Variants in UBAP1L observed in about 807,000 individuals in gnomAD.
The protein encoded by UBAP1L is ubiquitin associated protein 1 like, also known as ubiquitin-associated protein 1-like.
Under a neutral mutation model 32.1 loss-of-function variants are expected in UBAP1L, and 32 were observed. That is an observed-to-expected ratio of 1.00 (90% CI 0.75 to 1.34). The LOEUF is 1.34. UBAP1L is among the 40% of genes most tolerant of loss of function. The probability of loss-of-function intolerance (pLI) is 0.00; values close to 1 mark genes in which losing one functional copy is unlikely to be tolerated. For missense variants in UBAP1L, 516 were observed against 540.5 expected (o/e 0.95, Z 0.45); for synonymous variants, 243 against 250.2 (o/e 0.97, Z 0.27).
At position 65,105,938 on chromosome 15, in the gene UBAP1L, G is replaced by A. The variant is rs1027072120; in HGVS notation, c.120+158C>T. 24 of 1,006,030 alleles carry A rather than the reference G, an allele frequency of 2.4e-5. No individual in the cohort carries two copies. The Admixed American group carries it at 3.1e-4, about 13-fold the overall frequency. The allele number at this position is 1,006,030 out of a possible 1,614,324, so 62.3% of individuals were successfully genotyped here. On this transcript the variant is annotated intron_variant, in intron 2 of 5. Coordinates refer to ENST00000559089, the MANE Select transcript of UBAP1L (RefSeq NM_001163692.2). ...TCCGAGTAGCTGGGATTACAGGCAC[G>A]CGTCACCACACCCAGCTAATTTTTT...
rs530345678 is a variant in UBAP1L, at chr15:65,110,974, G to C, written c.-174+4176C>G. ...TGGAGAGGTAGGGTGGATAATCTGA[G>C]TGCAGAGAGGTCAAATGAAGGCAGG... On this transcript the variant is annotated intron_variant, in intron 1 of 5. Coordinates refer to ENST00000559089, the MANE Select transcript of UBAP1L (RefSeq NM_001163692.2). 6.6e-5 allele frequency among the ~76,000 whole-genome samples: 10 copies of C among 152,302 alleles called. No individual in the cohort carries two copies. The South Asian group carries it at 2.1e-3, about 32-fold the overall frequency.
chr15:65,094,876 C>G lies in UBAP1L; in HGVS notation c.910-300G>C, dbSNP rs915026870. 6.8e-6 allele frequency: 3 copies of G among 444,096 alleles called. No homozygotes were observed. The highest frequency in any genetic ancestry group is 1.3e-5 in the Non-Finnish European group (3 of 238,932). 27.5% of individuals were successfully genotyped at this position (444,096 alleles called of 1,614,324 possible). A position where few individuals can be genotyped will look rare whatever the true frequency, so the allele number is the denominator to read the frequency against. On this transcript the variant is annotated intron_variant, in intron 4 of 5. Transcript: ENST00000559089. This position sits in a 1 kb window ranked among gnomAD's most constrained non-coding sequence, Gnocchi z 4.2. The stretch of plus-strand genomic sequence containing the variant: ...CATAGAACCTAGGTGGGGAGCAGGA[C>G]AGGCTTCAAACACAGACATCCCACC...
chr15:65,103,050 G>A lies in UBAP1L; in HGVS notation c.121-366C>T, dbSNP rs901554949. On this transcript the variant is annotated intron_variant, in intron 2 of 5. Coordinates refer to ENST00000559089, the MANE Select transcript of UBAP1L (RefSeq NM_001163692.2). Reference sequence around the variant, plus strand: ...ATTCTTAGCAAAGAAGCTTTCACCTGAGCCCAGCAGTTTGCCAATGAGTAG... The same window carrying A: ...ATTCTTAGCAAAGAAGCTTTCACCTAAGCCCAGCAGTTTGCCAATGAGTAG... Among the ~76,000 whole-genome samples the A allele has an allele frequency of 6.6e-5, 10 of 152,284 alleles. 1 individual carries two copies. The highest frequency in any genetic ancestry group is 3.4e-3 in the Middle Eastern group (1 of 294).
intron 1 of UBAP1L, among the ~76,000 whole-genome samples, chr15:65,106,671 C>T (rs2087315734): frequency 6.9e-6 from 1 of 144,938 alleles, no homozygotes; most frequent in Non-Finnish European, 1.5e-5. Flanking sequence ...GACGAAGTCT[C>T]GCTCTGTCAC....
At chr15:65,110,928 C>T (rs1277382816) in intron 1 of UBAP1L, among the ~76,000 whole-genome samples, 1 of 152,082 alleles carries the variant, frequency 6.6e-6, no homozygotes, top group South Asian at 2.1e-4. Context: ...ACAGTCATCC[C>T]CTTCCCATGA....
At position 65,099,536 on chromosome 15, in the gene UBAP1L, A is replaced by G; in HGVS notation, c.878T>C (p.Leu293Pro). 2.6e-6 allele frequency: 4 copies of G among 1,551,060 alleles called. No individual in the cohort carries two copies. The highest frequency in any genetic ancestry group is 3.5e-6 in the Non-Finnish European group (4 of 1,146,912). The change falls in exon 4 of 6, where the codon CTG (leucine) becomes CCG (proline). Residue 293 changes from leucine (L) to proline (P), a missense_variant. Transcript: ENST00000559089. ...CAGGCTCTGCCTCCCTGTCTTCTGC[A>G]GAGCTATGATGGCCCTTCGCAGGGG... Reference protein sequence around the residue: ...GYPLRRAIIALQKTGRQSLSQ... With the variant: ...GYPLRRAIIAPQKTGRQSLSQ...
chr15:65,094,390 G>T lies in UBAP1L; in HGVS notation c.1011+85C>A. On this transcript the variant is annotated intron_variant, in intron 5 of 5. Transcript: ENST00000559089. The surrounding 1 kb of genome is among the most constrained non-coding windows in gnomAD (Gnocchi z 4.2). Reference sequence around the variant, plus strand: ...GCTGGACCCACAGACTGGCTCTGAGGACTGGTGTGGCCCTGCACACCGGGC... The same window carrying T: ...GCTGGACCCACAGACTGGCTCTGAGTACTGGTGTGGCCCTGCACACCGGGC... 1.1e-6 allele frequency: 1 copy of T among 917,130 alleles called. No homozygotes were observed. Among genetic ancestry groups the T allele is most frequent in the South Asian group, 1.6e-5 (1 of 60,690 alleles). 56.8% of individuals were successfully genotyped at this position (917,130 alleles called of 1,614,324 possible).
chr15:65,110,046 T>G (rs755146615), intron 1 of UBAP1L, among the ~76,000 whole-genome samples: 1 of 152,230 alleles, frequency 6.6e-6, no homozygotes, highest in African/African-American at 2.4e-5. Context: ...ACATTAAATA[T>G]TGAGTCTGTT....
In UBAP1L at chr15:65,102,623, C is replaced by G; in HGVS notation, c.182G>C (p.Ser61Thr). Residue 61 changes from serine to threonine, a missense_variant, in exon 3 of 6, where the codon AGC (serine) becomes ACC (threonine). Physicochemically the swap from Ser to Thr is moderately conservative, Grantham distance 58. Transcript: ENST00000559089. This position sits in a 1 kb window ranked among gnomAD's most constrained non-coding sequence, Gnocchi z 5.0. Reference sequence around the variant, plus strand: ...CCCCGGGTCACCGCACTGGTACGGGCTGGGTCCCTGGCCGGCGGCCTCCAC... The same window carrying G: ...CCCCGGGTCACCGCACTGGTACGGGGTGGGTCCCTGGCCGGCGGCCTCCAC... ...FWVEAAGQGP[S>T]PYQCGDPGTA... is the part of the protein sequence containing the mutation. 2 of 1,549,544 alleles carry G rather than the reference C, an allele frequency of 1.3e-6. No individual in the cohort carries two copies. Among genetic ancestry groups the G allele is most frequent in the Non-Finnish European group, 1.7e-6 (2 of 1,146,810 alleles).
rs1317977666 is a variant in UBAP1L, at chr15:65,106,123, G to A, written c.93C>T (p.Ala31=). 6.4e-7 allele frequency: 1 copy of A among 1,551,056 alleles called. No homozygotes were observed. Among genetic ancestry groups the A allele is most frequent in the Non-Finnish European group, 8.7e-7 (1 of 1,146,822 alleles). The change falls in exon 2 of 6, where the codon GCC becomes GCT. Residue 31 remains alanine, a synonymous_variant. Transcript: ENST00000559089. ...PLPGPELSVP[A]CGEVLLGSMH... ...TAGAACCCAGCAGAACTTCCCCGCA[G>A]GCCGGGACGCTGAGTTCTGGCCCAG...
At chr15:65,097,659 G>A (rs935835195) in intron 4 of UBAP1L, 2 of 152,158 alleles carry the variant, frequency 1.3e-5, no homozygotes, top group African/African-American at 2.4e-5. Flanking sequence ...GCAAGAAAAT[G>A]TTCAATAAAT....
intron 4 of UBAP1L, chr15:65,098,743 T>C (rs546275511): frequency 3.9e-5 from 6 of 152,348 alleles, no homozygotes; most frequent in African/African-American, 1.4e-4. Flanking sequence ...TGTAGCCACA[T>C]GAGACTGCAG....
At chr15:65,111,943 A>G (rs2140572438) in intron 1 of UBAP1L, among the ~76,000 whole-genome samples, 1 of 152,290 alleles carries the variant, frequency 6.6e-6, no homozygotes, top group East Asian at 1.9e-4. Flanking sequence ...GGCGCCTGCC[A>G]CCACGCCTGG....
chr15:65,102,315 C>T lies in UBAP1L; in HGVS notation c.490G>A (p.Glu164Lys), dbSNP rs1215243920. ...ELAGARRRLSEGKLVSRPRAL... is the reference protein window; with the variant it reads ...ELAGARRRLSKGKLVSRPRAL... ...CGGGGCCGGGAGACCAGCTTCCCCT[C>T]GGAGAGCCGCCGCCGCGCCCCTGCC... Residue 164 changes from glutamate to lysine, a missense_variant, in exon 3 of 6, where the codon GAG becomes AAG. Coordinates refer to ENST00000559089, the MANE Select transcript of UBAP1L (RefSeq NM_001163692.2). The surrounding 1 kb of genome is among the most constrained non-coding windows in gnomAD (Gnocchi z 5.0). 3 of 1,438,122 alleles carry T rather than the reference C, an allele frequency of 2.1e-6. No individual in the cohort carries two copies. Among genetic ancestry groups the T allele is most frequent in the Non-Finnish European group, 2.7e-6 (3 of 1,103,082 alleles). The allele number at this position is 1,438,122 out of a possible 1,614,324, so 89.1% of individuals were successfully genotyped here. A position where few individuals can be genotyped will look rare whatever the true frequency, so the allele number is the denominator to read the frequency against.
chr15:65,099,667 T>C lies in UBAP1L; in HGVS notation c.747A>G (p.Gln249=). 1.3e-6 allele frequency: 2 copies of C among 1,551,114 alleles called. No individual in the cohort carries two copies. Among genetic ancestry groups the C allele is most frequent in the African/African-American group, 2.7e-5 (2 of 73,098 alleles). Residue 249 remains glutamine (Q), a synonymous_variant, in exon 4 of 6, where the codon CAA becomes CAG. Transcript: ENST00000559089. Reference sequence around the variant, plus strand: ...GGTGTGACTTGTGGGGGTTGAGAGGTTGGGGTGCCCCCCCAAGAGGTGGCA... The same window carrying C: ...GGTGTGACTTGTGGGGGTTGAGAGGCTGGGGTGCCCCCCCAAGAGGTGGCA... ...TCLPPLGGAP[Q]PLNPHKSHPD...
intron 4 of UBAP1L, chr15:65,096,859 G>A (rs955003393): frequency 6.6e-6 from 1 of 152,290 alleles, no homozygotes; most frequent in African/African-American, 2.4e-5. Flanking sequence ...TAGCTGCTCT[G>A]TCTCTATCAC....
intron 1 of UBAP1L, among the ~76,000 whole-genome samples, chr15:65,110,752 G>A (rs750565776): frequency 2.1e-4 from 32 of 151,206 alleles, no homozygotes; most frequent in Non-Finnish European, 4.1e-4. Flanking sequence ...TTAAGCTCAC[G>A]ACTGCCTATA....
At chr15:65,100,753 C>T (rs1484501453) in intron 3 of UBAP1L, 1 of 152,236 alleles carries the variant, frequency 6.6e-6, no homozygotes, top group Admixed American at 6.5e-5. Flanking sequence ...TCTCAGGGCT[C>T]TCCCTGCCAC....
chr15:65,108,652 G>A (rs1033943026), intron 1 of UBAP1L, among the ~76,000 whole-genome samples: 3 of 152,022 alleles, frequency 2.0e-5, no homozygotes, highest in African/African-American at 7.3e-5. Flanking sequence ...GGCTGAAGTA[G>A]GAGGATTGCT....
Sources: gnomAD v4.1 joint callset for allele counts (sites outside exome capture counted in the v4.1 genomes callset) on GRCh38, gnomAD v4.1.1 for gene constraint, Gnocchi (gnomAD v3.1) non-coding constraint, MANE v1.5 for transcripts, NCBI Gene and HGNC (gene_info 2026-07-23, HGNC 2026-07-21) for gene names.